CSMD1: variants seen among roughly 807,000 people sequenced by gnomAD.
CSMD1 encodes CUB and Sushi multiple domains 1.
Under a neutral mutation model 417.5 loss-of-function variants are expected in CSMD1, and 213 were observed. The ratio of observed to expected loss-of-function variants is 0.51; its 90% confidence interval spans 0.46 to 0.57. The LOEUF (loss-of-function observed/expected upper bound fraction) is 0.57. CSMD1 is among the 20% of genes least tolerant of loss of function. The pLI is 0.00. For missense variants in CSMD1, 6,923 were observed against 4,529.7 expected, an observed-to-expected ratio of 1.53 and a Z score of -15.17; for synonymous variants, 2,862 against 1,736.8, an observed-to-expected ratio of 1.65 and a Z score of -16.11.
chr8:4,797,748 G>C (rs1027834902), intron 1 of CSMD1, among the ~76,000 whole-genome samples: 4 of 152,172 alleles, frequency 2.6e-5, no homozygotes, highest in South Asian at 2.1e-4. Context: ...AAATGTAGAA[G>C]ATAAGTAACT....
intron 6 of CSMD1, among the ~76,000 whole-genome samples, chr8:3,739,800 A>T (rs1176309254): frequency 6.6e-6 from 1 of 152,190 alleles, no homozygotes; most frequent in Non-Finnish European, 1.5e-5. Flanking sequence ...GGTAAAAAAA[A>T]ATTCAATTTT....
intron 2 of CSMD1, among the ~76,000 whole-genome samples, chr8:4,547,072 C>G (rs80339887): frequency 2.0e-5 from 3 of 152,154 alleles, no homozygotes; most frequent in Non-Finnish European, 4.4e-5. Context: ...TTGGACTTGT[C>G]TATTTGTATA....
intron 10 of CSMD1, among the ~76,000 whole-genome samples, chr8:3,528,719 G>C (rs1262008053): frequency 1.3e-5 from 2 of 152,192 alleles, no homozygotes; most frequent in South Asian, 2.1e-4. Context: ...AAAAGCTTGA[G>C]GGATTGGAAT....
chr8:3,409,063 A>G (rs1280471405), intron 13 of CSMD1, among the ~76,000 whole-genome samples: 2 of 152,144 alleles, frequency 1.3e-5, no homozygotes, highest in East Asian at 1.9e-4. Flanking sequence ...CTTGTGTTTA[A>G]GTGTTATACA....
At chr8:4,606,087 T>A (rs149904371) in intron 2 of CSMD1, among the ~76,000 whole-genome samples, 129 of 152,260 alleles carry the variant, frequency 8.5e-4, no homozygotes, top group East Asian at 3.1e-3. Flanking sequence ...GGAGGCTATA[T>A]CTCACGTTCA....
At chr8:3,293,049 T>G (rs1192421102) in intron 25 of CSMD1, among the ~76,000 whole-genome samples, 1 of 152,196 alleles carries the variant, frequency 6.6e-6, no homozygotes, top group Admixed American at 6.5e-5. Context: ...CAGCATTTGC[T>G]TGTGTGTAAA....
intron 3 of CSMD1, among the ~76,000 whole-genome samples, chr8:4,391,883 C>G (rs946917639): frequency 1.3e-5 from 2 of 152,182 alleles, no homozygotes; most frequent in African/African-American, 4.8e-5. Context: ...CCACCAGCTT[C>G]TGCCGAGAGC....
intron 2 of CSMD1, among the ~76,000 whole-genome samples, chr8:4,459,742 T>C (rs1799695243): frequency 6.6e-6 from 1 of 152,208 alleles, no homozygotes; most frequent in African/African-American, 2.4e-5. Context: ...TGGAAATTTA[T>C]TAGTGATTCA....
chr8:4,309,840 CTG>C (rs1798459734), intron 3 of CSMD1, among the ~76,000 whole-genome samples: 1 of 152,134 alleles, frequency 6.6e-6, no homozygotes, highest in African/African-American at 2.4e-5. Flanking sequence ...ATATAGCTGT[CTG>C]AGTATTTTCT....
intron 8 of CSMD1, among the ~76,000 whole-genome samples, chr8:3,611,422 T>C (rs2117138488): frequency 6.6e-6 from 1 of 152,254 alleles, no homozygotes; most frequent in East Asian, 1.9e-4. Context: ...CTTGCTTTTC[T>C]ACTGAACTCC....
intron 68 of CSMD1, among the ~76,000 whole-genome samples, chr8:2,944,539 G>A (rs1030203597): frequency 1.3e-5 from 2 of 152,114 alleles, no homozygotes; most frequent in Non-Finnish European, 2.9e-5. Flanking sequence ...ATGTTCACAC[G>A]GACTCATAGT....
intron 5 of CSMD1, among the ~76,000 whole-genome samples, chr8:3,987,714 G>C (rs557493844): frequency 2.0e-5 from 3 of 152,308 alleles, no homozygotes; most frequent in African/African-American, 7.2e-5. Flanking sequence ...GGTGGAACGA[G>C]GTCACTAGCA....
chr8:4,519,896 G>A (rs966254186), intron 2 of CSMD1, among the ~76,000 whole-genome samples: 3 of 150,534 alleles, frequency 2.0e-5, no homozygotes, highest in African/African-American at 7.3e-5. Context: ...ATTCCAAACA[G>A]TAATGTATTC....
At chr8:3,512,317 G>A (rs528999138) in intron 10 of CSMD1, among the ~76,000 whole-genome samples, 1 of 152,176 alleles carries the variant, frequency 6.6e-6, no homozygotes, top group African/African-American at 2.4e-5. Context: ...CAACTTATTT[G>A]TTCTATACCC....
At chr8:4,453,513 G>A (rs1343833628) in intron 2 of CSMD1, among the ~76,000 whole-genome samples, 3 of 152,168 alleles carry the variant, frequency 2.0e-5, no homozygotes, top group Non-Finnish European at 2.9e-5. Context: ...AGGCCTTCTT[G>A]CATCAGATTC....
At chr8:4,594,329 G>C (rs1467283005) in intron 2 of CSMD1, among the ~76,000 whole-genome samples, 2 of 149,034 alleles carry the variant, frequency 1.3e-5, no homozygotes, top group Non-Finnish European at 3.0e-5. Flanking sequence ...TTAGCCTCTT[G>C]AGTAGCTGGG....
chr8:2,969,270 C>G (rs1804230371), intron 57 of CSMD1, among the ~76,000 whole-genome samples: 1 of 152,106 alleles, frequency 6.6e-6, no homozygotes. Context: ...ATCACTCTTA[C>G]TTATTGAGTA....
intron 4 of CSMD1, among the ~76,000 whole-genome samples, chr8:4,014,345 T>A (rs1796418490): frequency 6.6e-6 from 1 of 152,082 alleles, no homozygotes; most frequent in South Asian, 2.1e-4. Context: ...AGAGAGAAAA[T>A]AATCTGTAAA....
intron 7 of CSMD1, among the ~76,000 whole-genome samples, chr8:3,635,939 T>G (rs892009962): frequency 6.6e-6 from 1 of 152,218 alleles, no homozygotes; most frequent in African/African-American, 2.4e-5. Context: ...TAGTTTACTT[T>G]TTGGCTTTAT....
Sources: allele counts gnomAD v4.1 joint callset (sites outside exome capture counted in the v4.1 genomes callset), GRCh38; gene constraint gnomAD v4.1.1; transcripts MANE v1.5; gene names NCBI Gene and HGNC (gene_info 2026-07-23, HGNC 2026-07-21).